The following FOXP1 variants were observed in gnomAD, a reference collection of about 807,000 sequenced individuals.
The protein encoded by FOXP1 is forkhead box P1, also known as forkhead box protein P1.
A neutral mutation model predicts 98.2 loss-of-function variants in FOXP1; 15 were observed. The ratio of observed to expected loss-of-function variants is 0.15; its 90% CI spans 0.10 to 0.24. The LOEUF (loss-of-function observed/expected upper bound fraction) is 0.24, where lower values mean the gene tolerates loss of function less well. Among genes scored for constraint, FOXP1 ranks in the 10% least tolerant of loss-of-function variants. The pLI is 1.00. For missense variants in FOXP1, 633 were observed against 848.5 expected, an observed-to-expected ratio of 0.75 and a Z score of 3.15; for synonymous variants, 371 against 314.5, an observed-to-expected ratio of 1.18 and a Z score of -1.90.
At chr3:71,259,486 G>T (rs2068914670) in intron 5 of FOXP1, among the ~76,000 whole-genome samples, 1 of 152,164 alleles carries the variant, frequency 6.6e-6, no homozygotes, top group Non-Finnish European at 1.5e-5. Flanking sequence ...GTCCACCAAG[G>T]ATAGTGAAAA....
chr3:71,225,506 T>G (rs1350327405), intron 5 of FOXP1, among the ~76,000 whole-genome samples: 1 of 130,770 alleles, frequency 7.6e-6, no homozygotes, highest in Non-Finnish European at 1.6e-5. Flanking sequence ...TGTTTATAAT[T>G]ATGACGAGGA....
In FOXP1 at chr3:71,167,017, A is replaced by C. The variant is rs2061427906; in HGVS notation, c.180+31185T>G. On this transcript the variant is annotated intron_variant, in intron 6 of 20. Transcript: ENST00000649528. ...CTGTGACAGGCAGAATCAATCAATC[A>C]AGAGGCCAGCTTTGCACTTACATAT... Among the ~76,000 whole-genome samples the C allele has an allele frequency of 2.6e-5, 4 of 152,164 alleles. No homozygotes were observed. In the South Asian group the frequency reaches 8.3e-4, roughly 32 times the overall value.
At chr3:71,483,611 G>T (rs895811541) in intron 3 of FOXP1, among the ~76,000 whole-genome samples, 1 of 152,136 alleles carries the variant, frequency 6.6e-6, no homozygotes, top group Non-Finnish European at 1.5e-5. Flanking sequence ...AAATTGTACT[G>T]GAACACAGCC....
In FOXP1 at chr3:71,396,993, TACAC is replaced by T. The variant is rs1326408486; in HGVS notation, c.-167-37753_-167-37750del. ...GTATATATATATATGTGTATATATA[TACAC>T]ATATATATGTGTATATATATATATA... On this transcript the variant is annotated intron_variant, in intron 3 of 20. Coordinates refer to ENST00000649528, the MANE Select transcript of FOXP1 (RefSeq NM_001349338.3). Among the ~76,000 whole-genome samples, 6 of 52,480 alleles carry T rather than the reference TACAC, an allele frequency of 1.1e-4. No homozygotes were observed. In the East Asian group the frequency reaches 1.2e-3, roughly 10 times the overall value. 34.4% of individuals were successfully genotyped at this position (52,480 alleles called of 152,430 possible).
intron 2 of FOXP1, among the ~76,000 whole-genome samples, chr3:71,548,313 T>C (rs1274445841): frequency 2.0e-5 from 3 of 152,068 alleles, no homozygotes; most frequent in Admixed American, 2.0e-4. Flanking sequence ...ACAAATAGCG[T>C]AAGTTTATAT....
At chr3:70,991,052 A>ATTTT (rs11373167) in intron 13 of FOXP1, among the ~76,000 whole-genome samples, 1 of 144,784 alleles carries the variant, frequency 6.9e-6, no homozygotes, top group Admixed American at 6.9e-5. Context: ...CAACTTTCTA[A>ATTTT]TTTTTTTTTT....
intron 2 of FOXP1, among the ~76,000 whole-genome samples, chr3:71,516,781 G>T (rs2042613590): frequency 6.6e-6 from 1 of 152,164 alleles, no homozygotes. Flanking sequence ...GGGAGGCAGA[G>T]GTTGCAGTGA....
intron 4 of FOXP1, among the ~76,000 whole-genome samples, chr3:71,358,222 G>A (rs187954870): frequency 4.4e-4 from 67 of 152,290 alleles, no homozygotes; most frequent in Non-Finnish European, 8.1e-4. Flanking sequence ...AAATTTAATC[G>A]TTCTTCATTG....
intron 20 of FOXP1, among the ~76,000 whole-genome samples, chr3:70,962,894 C>T (rs2033882931): frequency 6.6e-6 from 1 of 152,024 alleles, no homozygotes; most frequent in Non-Finnish European, 1.5e-5. Flanking sequence ...TAACCTTATC[C>T]AAAAAATCAG....
intron 7 of FOXP1, among the ~76,000 whole-genome samples, chr3:71,109,790 G>A (rs1022660245): frequency 4.6e-5 from 7 of 152,094 alleles, no homozygotes; most frequent in African/African-American, 1.7e-4. Flanking sequence ...AAAGCTTACT[G>A]AATGTGCATG....
chr3:71,203,938 G>GAGGACGGAAGGAAGGAAGGA (rs2063827552), intron 5 of FOXP1, among the ~76,000 whole-genome samples: 1 of 131,352 alleles, frequency 7.6e-6, no homozygotes, highest in Non-Finnish European at 1.6e-5. Context: ...GAAAAGGAAG[G>GAGGACGGAAGGAAGGAAGGA]AGGAAGGAAG....
chr3:71,566,401 A>T (rs140204364), intron 2 of FOXP1, among the ~76,000 whole-genome samples: 1 of 152,320 alleles, frequency 6.6e-6, no homozygotes, highest in African/African-American at 2.4e-5. Flanking sequence ...ACACCTTGCC[A>T]GGGAAAAATA....
intron 7 of FOXP1, among the ~76,000 whole-genome samples, chr3:71,111,891 T>C (rs2057961821): frequency 6.6e-6 from 1 of 152,142 alleles, no homozygotes; most frequent in South Asian, 2.1e-4. Flanking sequence ...ATTATAATCA[T>C]TACAAGCCAT....
chr3:71,377,182 T>G (rs2079784693), intron 3 of FOXP1, among the ~76,000 whole-genome samples: 1 of 152,148 alleles, frequency 6.6e-6, no homozygotes, highest in East Asian at 1.9e-4. Context: ...CATGTGAACT[T>G]CATGCATTAT....
intron 4 of FOXP1, among the ~76,000 whole-genome samples, chr3:71,355,703 G>A (rs1018221921): frequency 6.6e-6 from 1 of 152,178 alleles, no homozygotes; most frequent in East Asian, 1.9e-4. Flanking sequence ...GCCTATGTCA[G>A]GCAGACCCCT....
chr3:71,229,987 C>T (rs1230125678), intron 5 of FOXP1, among the ~76,000 whole-genome samples: 2 of 151,976 alleles, frequency 1.3e-5, no homozygotes, highest in South Asian at 2.1e-4. Context: ...AGTGGCGCTG[C>T]AACCTCCAGG....
intron 4 of FOXP1, among the ~76,000 whole-genome samples, chr3:71,316,657 A>G (rs577061215): frequency 6.7e-6 from 1 of 150,298 alleles, no homozygotes; most frequent in South Asian, 2.1e-4. Context: ...CTTAGGGCAT[A>G]TTCTTTTTTT....
At chr3:71,074,225 C>CATG (rs1559875411) in intron 7 of FOXP1, among the ~76,000 whole-genome samples, 1 of 151,932 alleles carries the variant, frequency 6.6e-6, no homozygotes, top group Non-Finnish European at 1.5e-5. Context: ...TAAGAGCTTA[C>CATG]ATTATTATTA....
At chr3:70,960,859 T>TTTTA (rs2033247919) in intron 20 of FOXP1, among the ~76,000 whole-genome samples, 1 of 149,460 alleles carries the variant, frequency 6.7e-6, no homozygotes. Flanking sequence ...TTTTTTTTTT[T>TTTTA]GAGACGGAGT....
Sources: allele counts gnomAD v4.1 joint callset (sites outside exome capture counted in the v4.1 genomes callset), GRCh38; gene constraint gnomAD v4.1.1; transcripts MANE v1.5; gene names NCBI Gene and HGNC (gene_info 2026-07-23, HGNC 2026-07-21).